The following NCBP2 variants were observed in gnomAD, a reference collection of about 807,000 sequenced individuals.
The protein encoded by NCBP2 is nuclear cap-binding protein subunit 2.
Under a neutral mutation model 21.5 loss-of-function variants are expected in NCBP2, and 8 were observed. That is an observed-to-expected ratio of 0.37 (90% CI 0.22 to 0.67). The LOEUF is 0.67. NCBP2 is among the 30% of genes least tolerant of loss of function. The probability of loss-of-function intolerance (pLI) is 0.56; values close to 1 mark genes in which losing one functional copy is unlikely to be tolerated. For synonymous variants in NCBP2, 92 were observed against 75.8 expected (o/e 1.21, Z -1.11); for missense variants, 127 against 206.9 (o/e 0.61, Z 2.37).
intron 1 of NCBP2, chr3:196,941,911 ACTCCACTTGTGT>A (rs1418091920): frequency 8.5e-6 from 13 of 1,535,624 alleles, no homozygotes; most frequent in Admixed American, 5.9e-5. Context: ...CGGAGTGAGG[ACTCCACTTGTGT>A]CTCCCACGCA....
chr3:196,938,999 C>A, intron 2 of NCBP2: 1 of 334,422 alleles, frequency 3.0e-6, no homozygotes, highest in Non-Finnish European at 5.0e-6. Flanking sequence ...TCACTACATT[C>A]TTTGGAATTT....
intron 1 of NCBP2, 113 bp downstream of exon 1, chr3:196,942,313 C>CT: frequency 6.5e-7 from 1 of 1,532,450 alleles, no homozygotes; most frequent in Non-Finnish European, 8.8e-7. Context: ...CGGGGCCCCA[C>CT]TTGGCGTTTG....
chr3:196,937,258 TC>T, intron 3 of NCBP2, 176 bp from the exon 4 acceptor site: 1 of 781,380 alleles, frequency 1.3e-6, no homozygotes, highest in Non-Finnish European at 2.1e-6. Flanking sequence ...TTTTAGATGT[TC>T]CTGCAGGTGG....
At chr3:196,937,118 A>G in intron 3 of NCBP2, 36 bp from the exon 4 acceptor site, 4 of 1,594,590 alleles carry the variant, frequency 2.5e-6, no homozygotes, top group Non-Finnish European at 3.4e-6. Context: ...CAGTATGGAA[A>G]AGAATGGTGT....
At chr3:196,941,476 T>G (rs925802427) in intron 1 of NCBP2, 1 of 170,686 alleles carries the variant, frequency 5.9e-6, no homozygotes, top group African/African-American at 2.4e-5. Flanking sequence ...TCACACATTC[T>G]CCACACTTAC....
In NCBP2 at chr3:196,937,531, G is replaced by T; in HGVS notation, c.378C>A (p.Gly126=). ...ATACCTGGCCCCCAGATCGCCCACGGCCGTATTGCCTGCCCTCCTTAAAGC... is the reference window on the plus strand; with the variant it reads ...ATACCTGGCCCCCAGATCGCCCACGTCCGTATTGCCTGCCCTCCTTAAAGC... ...DAGFKEGRQY[G]RGRSGGQVRD... The change falls in exon 3 of 4, where the codon GGC becomes GGA. Residue 126 remains glycine (G), a synonymous_variant. Coordinates refer to ENST00000321256, the MANE Select transcript of NCBP2 (RefSeq NM_007362.5). The T allele has an allele frequency of 2.5e-6, 4 of 1,614,138 alleles. No homozygotes were observed. The highest frequency in any genetic ancestry group is 3.4e-6 in the Non-Finnish European group (4 of 1,180,040).
intron 1 of NCBP2, chr3:196,941,669 A>C (rs1270779358): frequency 1.8e-6 from 1 of 564,678 alleles, no homozygotes; most frequent in Non-Finnish European, 3.1e-6. Flanking sequence ...TGGGTTAATG[A>C]GTCCCGCCCC....
chr3:196,936,195 T>A lies in NCBP2; in HGVS notation c.*816A>T, dbSNP rs1171671573. The stretch of plus-strand genomic sequence containing the variant: ...ACCCTTGCTTTTTTTTAGCTTTAGG[T>A]ATAACACTGACATCTTTTGAAAAAC... On this transcript the variant is annotated 3_prime_UTR_variant, in exon 4 of 4. Coordinates refer to ENST00000321256, the MANE Select transcript of NCBP2 (RefSeq NM_007362.5). 3 of 152,206 alleles carry A rather than the reference T, an allele frequency of 2.0e-5. No individual in the cohort carries two copies. The highest frequency in any genetic ancestry group is 2.0e-4 in the Admixed American group (3 of 15,280). 9.4% of individuals were successfully genotyped at this position (152,206 alleles called of 1,614,324 possible).
At chr3:196,941,993 A>G (rs1312759032) in intron 1 of NCBP2, 3 of 1,536,250 alleles carry the variant, frequency 2.0e-6, no homozygotes, top group Non-Finnish European at 1.7e-6. Flanking sequence ...GCCGAAGGGC[A>G]CTGCTTCGCC....
chr3:196,939,347 T>G lies in NCBP2; in HGVS notation c.164A>C (p.Gln55Pro). The G allele has an allele frequency of 2.5e-6, 4 of 1,612,540 alleles. No individual in the cohort carries two copies. Among genetic ancestry groups the G allele is most frequent in the Non-Finnish European group, 3.4e-6 (4 of 1,178,536 alleles). The change falls in exon 2 of 4, where the codon CAA (glutamine) becomes CCA (proline). Residue 55 changes from glutamine (Q) to proline (P), a missense_variant. Gln to Pro is a moderately conservative substitution (Grantham distance 76). Coordinates refer to ENST00000321256, the MANE Select transcript of NCBP2 (RefSeq NM_007362.5). ...GNLSFYTTEE[Q>P]IYELFSKSGD... is the part of the protein sequence containing the mutation. ...ACTTTTGCTGAAGAGTTCATAGATTTGTTCTTCAGTTGTGTAAAAAGAAAG... is the reference window on the plus strand; with the variant it reads ...ACTTTTGCTGAAGAGTTCATAGATTGGTTCTTCAGTTGTGTAAAAAGAAAG...
chr3:196,941,786 G>A (rs920840726), intron 1 of NCBP2: 15 of 887,948 alleles, frequency 1.7e-5, no homozygotes, highest in Non-Finnish European at 2.4e-5. Context: ...GATATAGTCC[G>A]GACTAAAAAT....
chr3:196,935,425 T>C lies in NCBP2; in HGVS notation c.*1586A>G, dbSNP rs77387349. On this transcript the variant is annotated 3_prime_UTR_variant, in exon 4 of 4. Transcript: ENST00000321256. ...ACAACGATAAGTTCATCCAGCTTTA[T>C]TGAAACCTATTACAGAAGACAATCC... 1.3e-5 allele frequency: 2 copies of C among 152,334 alleles called. No homozygotes were observed. Among genetic ancestry groups the C allele is most frequent in the East Asian group, 3.9e-4 (2 of 5,194 alleles). 9.4% of individuals were successfully genotyped at this position (152,334 alleles called of 1,614,324 possible).
At position 196,937,422 on chromosome 3, in the gene NCBP2, C is replaced by T. The variant is rs986973043; in HGVS notation, c.399+88G>A. 13 of 1,563,628 alleles carry T rather than the reference C, an allele frequency of 8.3e-6. No homozygotes were observed. In the South Asian group the frequency reaches 1.4e-4, roughly 16 times the overall value. On this transcript the variant is annotated intron_variant, in intron 3 of 3. Transcript: ENST00000321256. ...AAGGTTATAGACACAAAGTTATTTA[C>T]AAAAGAGTAAATACAAATTGCCAAA...
chr3:196,939,055 T>C, intron 2 of NCBP2, 196 bp downstream of exon 2: 1 of 461,648 alleles, frequency 2.2e-6, no homozygotes, highest in Non-Finnish European at 3.8e-6. Flanking sequence ...AACTTTTTGT[T>C]AAAGAACCAT....
Position 196,939,047 on chromosome 3 carries a change from CTTT to C in NCBP2, c.260+201_260+203del, listed in dbSNP as rs1716402513. 4 of 429,750 alleles carry C rather than the reference CTTT, an allele frequency of 9.3e-6. No homozygotes were observed. In the East Asian group the frequency reaches 1.4e-4, roughly 16 times the overall value. The allele number at this position is 429,750 out of a possible 1,614,324, so 26.6% of individuals were successfully genotyped here. A position where few individuals can be genotyped will look rare whatever the true frequency, so the allele number is the denominator to read the frequency against. ...GTGAAGGGCAAACATTCTTGAAAAACTTTTTGTTAAAGAACCATAAAGCATGGA... is the reference window on the plus strand; with the variant it reads ...GTGAAGGGCAAACATTCTTGAAAAACTTGTTAAAGAACCATAAAGCATGGA... On this transcript the variant is annotated intron_variant, in intron 2 of 3. Coordinates refer to ENST00000321256, the MANE Select transcript of NCBP2 (RefSeq NM_007362.5).
intron 2 of NCBP2, 79 bp downstream of exon 2, chr3:196,939,172 G>A (rs759065066): frequency 2.3e-5 from 30 of 1,282,484 alleles, no homozygotes; most frequent in South Asian, 6.1e-5. Context: ...ACGTAGGGAC[G>A]AGTGCAGGGA....
At chr3:196,942,138 C>T in intron 1 of NCBP2, 1 of 1,462,202 alleles carries the variant, frequency 6.8e-7, no homozygotes, top group South Asian at 1.4e-5. Flanking sequence ...ACGGGAGCCG[C>T]CACCACCACC....
In NCBP2 at chr3:196,939,145, G is replaced by A. The variant is rs984578497; in HGVS notation, c.260+106C>T. ...CAGAGACACACTGGGTGGAAAGTAG[G>A]AGGGAGATGAAGGAAAACGTAGGGA... On this transcript the variant is annotated intron_variant, in intron 2 of 3. Transcript: ENST00000321256. The A allele has an allele frequency of 2.9e-5, 27 of 916,192 alleles. No homozygotes were observed. In the Admixed American group the frequency reaches 5.1e-4, roughly 17 times the overall value. The allele number at this position is 916,192 out of a possible 1,614,324, so 56.8% of individuals were successfully genotyped here. A position where few individuals can be genotyped will look rare whatever the true frequency, so the allele number is the denominator to read the frequency against.
chr3:196,942,264 G>C (rs886794310), intron 1 of NCBP2, 162 bp downstream of exon 1: 22 of 1,483,734 alleles, frequency 1.5e-5, no homozygotes, highest in Non-Finnish European at 1.4e-5. Flanking sequence ...ATATCCAAGC[G>C]CCCTTCCAGC....
Sources: gnomAD v4.1 joint callset for allele counts on GRCh38, gnomAD v4.1.1 for gene constraint, MANE v1.5 for transcripts, NCBI Gene and HGNC (gene_info 2026-07-23, HGNC 2026-07-21) for gene names.